The following NEK11 variants were observed in gnomAD, a reference collection of about 807,000 sequenced individuals.
NEK11 encodes serine/threonine-protein kinase Nek11.
Under a neutral mutation model 80.7 loss-of-function variants are expected in NEK11, and 72 were observed. The ratio of observed to expected loss-of-function variants is 0.89; its 90% confidence interval spans 0.74 to 1.08. NEK11 has a LOEUF of 1.08. Among genes scored for constraint, NEK11 ranks in the 50% least tolerant of loss-of-function variants. NEK11 has a pLI of 0.00. For missense variants in NEK11, 764 were observed against 763.6 expected (o/e 1.00, Z -0.01); for synonymous variants, 251 against 260.7 (o/e 0.96, Z 0.36).
At chr3:131,144,375 A>C (rs1187106135) in intron 7 of NEK11, among the ~76,000 whole-genome samples, 1 of 152,130 alleles carries the variant, frequency 6.6e-6, no homozygotes, top group African/African-American at 2.4e-5. Context: ...TCACTTGTTT[A>C]TTTCAGCTCT....
intron 14 of NEK11, among the ~76,000 whole-genome samples, chr3:131,214,019 G>C (rs938682973): frequency 1.3e-5 from 2 of 152,168 alleles, no homozygotes; most frequent in Non-Finnish European, 2.9e-5. Context: ...GAGGATACAA[G>C]AAGAGGACAG....
chr3:131,213,243 C>T (rs1381096183), intron 14 of NEK11, among the ~76,000 whole-genome samples: 2 of 152,124 alleles, frequency 1.3e-5, no homozygotes, highest in Admixed American at 1.3e-4. Context: ...AAGTTTGCCT[C>T]TTCACATTGG....
intron 14 of NEK11, among the ~76,000 whole-genome samples, chr3:131,180,552 G>A (rs567870907): frequency 6.6e-6 from 1 of 152,024 alleles, no homozygotes; most frequent in South Asian, 2.1e-4. Context: ...AACCTAAAAA[G>A]CAAAATATAA....
At chr3:131,101,229 A>G (rs1179458156) in intron 4 of NEK11, among the ~76,000 whole-genome samples, 2 of 151,718 alleles carry the variant, frequency 1.3e-5, no homozygotes, top group African/African-American at 4.8e-5. Flanking sequence ...TCTGAGTTTC[A>G]TTCAGTTCTT....
chr3:131,110,868 T>C (rs941250101), intron 5 of NEK11, among the ~76,000 whole-genome samples: 1 of 152,188 alleles, frequency 6.6e-6, no homozygotes, highest in African/African-American at 2.4e-5. Flanking sequence ...TTGATACAGA[T>C]AGCTACTGAT....
chr3:131,042,204 G>GT (rs1317236858), intron 3 of NEK11, among the ~76,000 whole-genome samples: 3 of 117,686 alleles, frequency 2.5e-5, no homozygotes, highest in Non-Finnish European at 6.5e-5. Flanking sequence ...GCAGGTTTTT[G>GT]TTTTTTGTTT....
intron 4 of NEK11, among the ~76,000 whole-genome samples, chr3:131,101,727 A>ACACTCC (rs2078394147): frequency 6.6e-6 from 1 of 152,064 alleles, no homozygotes; most frequent in Non-Finnish European, 1.5e-5. Flanking sequence ...GTGTTCTATA[A>ACACTCC]ATGTTTATTA....
intron 3 of NEK11, among the ~76,000 whole-genome samples, chr3:131,048,523 C>T (rs1179054513): frequency 1.3e-5 from 2 of 152,206 alleles, no homozygotes; most frequent in Admixed American, 6.5e-5. Flanking sequence ...TTTGTCTCAG[C>T]TCCAGGTAAG....
At chr3:131,134,944 G>C (rs1285949866) in intron 7 of NEK11, among the ~76,000 whole-genome samples, 1 of 152,108 alleles carries the variant, frequency 6.6e-6, no homozygotes, top group East Asian at 1.9e-4. Context: ...AGGGTTGAAA[G>C]AACAATCTAG....
intron 16 of NEK11, among the ~76,000 whole-genome samples, chr3:131,244,821 T>C (rs1348756530): frequency 6.6e-6 from 1 of 152,062 alleles, no homozygotes; most frequent in African/African-American, 2.4e-5. Flanking sequence ...CTCCATGGGA[T>C]GCTGAAACTA....
intron 17 of NEK11, among the ~76,000 whole-genome samples, chr3:131,287,947 A>G (rs937673874): frequency 6.6e-6 from 1 of 152,192 alleles, no homozygotes; most frequent in African/African-American, 2.4e-5. Context: ...CCTGCCATAG[A>G]AACTATCATG....
At chr3:131,192,014 C>T (rs1040696009) in intron 14 of NEK11, among the ~76,000 whole-genome samples, 1 of 151,918 alleles carries the variant, frequency 6.6e-6, no homozygotes, top group African/African-American at 2.4e-5. Flanking sequence ...ACCCACAGAA[C>T]GGGAGAGAAT....
At chr3:131,049,649 G>A (rs944042075) in intron 3 of NEK11, among the ~76,000 whole-genome samples, 3 of 152,016 alleles carry the variant, frequency 2.0e-5, no homozygotes, top group Non-Finnish European at 2.9e-5. Flanking sequence ...TCTACTAAAC[G>A]GTATCTATTT....
At chr3:131,206,120 C>T (rs949148942) in intron 14 of NEK11, among the ~76,000 whole-genome samples, 1 of 152,206 alleles carries the variant, frequency 6.6e-6, no homozygotes, top group Non-Finnish European at 1.5e-5. Flanking sequence ...ACAGGCACCA[C>T]ACCGTAACGT....
At chr3:131,276,780 A>C (rs1467430176) in intron 17 of NEK11, among the ~76,000 whole-genome samples, 1 of 152,178 alleles carries the variant, frequency 6.6e-6, no homozygotes, top group Non-Finnish European at 1.5e-5. Context: ...AGGAAATTTC[A>C]CATCAGTACA....
chr3:131,048,491 G>A (rs2067794448), intron 3 of NEK11, among the ~76,000 whole-genome samples: 1 of 152,212 alleles, frequency 6.6e-6, no homozygotes, highest in Admixed American at 6.5e-5. Flanking sequence ...TTCTACACCT[G>A]TATTTCACTT....
chr3:131,245,301 T>TTGTGTGTGTGTGTG (rs4044352), intron 16 of NEK11, among the ~76,000 whole-genome samples: 2,022 of 140,756 alleles, frequency 0.014, 51 homozygotes, highest in African/African-American at 0.055. Context: ...TAGTATTCCA[T>TTGTGTGTGTGTGTG]TGTGTGTGTG....
chr3:131,337,450 C>T (rs1028730320), intron 17 of NEK11, among the ~76,000 whole-genome samples: 5 of 150,924 alleles, frequency 3.3e-5, no homozygotes, highest in African/African-American at 1.2e-4. Flanking sequence ...GAACATCACA[C>T]TCTGGGGACT....
In NEK11 at chr3:131,029,426, G is replaced by A. The variant is rs191568370; in HGVS notation, c.-96-187G>A. ...GCCAAATTTCAATGTACAAAGGGAG[G>A]CTCTTCCTGTGAAAGATTGCCTTCT... On this transcript the variant is annotated intron_variant, in intron 2 of 17. Transcript: ENST00000383366. 3.1e-3 allele frequency among the ~76,000 whole-genome samples: 478 copies of A among 152,228 alleles called. 1 individual carries two copies. The highest frequency in any genetic ancestry group is 4.8e-3 in the Non-Finnish European group (328 of 68,002).
Sources: allele counts gnomAD v4.1 joint callset (sites outside exome capture counted in the v4.1 genomes callset), GRCh38; gene constraint gnomAD v4.1.1; transcripts MANE v1.5; gene names NCBI Gene and HGNC (gene_info 2026-07-23, HGNC 2026-07-21).